Variants in LGI2 observed in about 807,000 individuals in gnomAD.
LGI2 encodes the protein leucine rich repeat LGI family member 2, also known as leucine-rich repeat LGI family member 2.
In LGI2, 30 loss-of-function variants were observed where a neutral mutation model predicts 52.0. The observed-to-expected ratio is 0.58, with a 90% CI of 0.43 to 0.78. The LOEUF is 0.78. Ranked by LOEUF, LGI2 falls within the 30% of genes least tolerant of loss-of-function variation. LGI2 has a pLI of 0.00. For synonymous variants in LGI2, 270 were observed against 271.8 expected (o/e 0.99, Z 0.06); for missense variants, 573 against 692.5 (o/e 0.83, Z 1.94).
intron 7 of LGI2, among the ~76,000 whole-genome samples, chr4:25,011,306 T>C (rs1387336488): frequency 6.6e-6 from 1 of 152,134 alleles, no homozygotes; most frequent in Non-Finnish European, 1.5e-5. Flanking sequence ...CCTGTGCTAC[T>C]CTGTGCTGAG....
intron 4 of LGI2, among the ~76,000 whole-genome samples, chr4:25,023,130 T>A (rs990928545): frequency 3.3e-5 from 5 of 151,856 alleles, no homozygotes; most frequent in African/African-American, 1.2e-4. Context: ...CCATGGGTAA[T>A]GGACTAGATG....
At chr4:25,024,764 G>A (rs1726086649) in intron 4 of LGI2, 56 bp downstream of exon 4, 1 of 1,218,882 alleles carries the variant, frequency 8.2e-7, no homozygotes, top group Admixed American at 2.3e-5. Flanking sequence ...GAGGCTCCAG[G>A]AAACCAATCT....
chr4:25,023,944 T>G (rs531865570), intron 4 of LGI2, among the ~76,000 whole-genome samples: 3 of 152,188 alleles, frequency 2.0e-5, no homozygotes, highest in Non-Finnish European at 4.4e-5. Flanking sequence ...TAATTTTATC[T>G]CCAGAAAGCT....
At chr4:24,993,523 A>G in the LGI2 span, among the ~76,000 whole-genome samples, 22 of 152,332 alleles carry the variant, frequency 1.4e-4, no homozygotes, top group Admixed American at 1.4e-3. Context: ...CATGCTGGGA[A>G]AACAGTGGTG....
At chr4:25,019,751 G>T (rs1725895401) in intron 4 of LGI2, among the ~76,000 whole-genome samples, 1 of 152,136 alleles carries the variant, frequency 6.6e-6, no homozygotes, top group Admixed American at 6.6e-5. Flanking sequence ...TGCCTCCTTT[G>T]GGTCTGTCCT....
At chr4:24,998,200 C>A (rs1001688167), downstream of LGI2, among the ~76,000 whole-genome samples, 1 of 152,112 alleles carries the variant, frequency 6.6e-6, no homozygotes, top group Non-Finnish European at 1.5e-5. Context: ...TTATCTAAAC[C>A]TTGTATTGTT....
At position 25,001,715 on chromosome 4, in the gene LGI2, GC is replaced by G. The variant is rs1286183356; in HGVS notation, c.*1735del. On this transcript the variant is annotated 3_prime_UTR_variant, in exon 8 of 8. Transcript: ENST00000382114. ...AAATCCGTGGTTTCTGAGGCTAGAA[GC>G]CTCAGCCTACAGTCCCAGAATGTAC... 1 of 42,982 alleles carries G rather than the reference GC, an allele frequency of 2.3e-5. No individual in the cohort carries two copies. Among genetic ancestry groups the G allele is most frequent in the East Asian group, 3.7e-3 (1 of 270 alleles). 2.7% of individuals were successfully genotyped at this position (42,982 alleles called of 1,614,324 possible). A position where few individuals can be genotyped will look rare whatever the true frequency, so the allele number is the denominator to read the frequency against.
intron 4 of LGI2, among the ~76,000 whole-genome samples, chr4:25,024,461 C>T (rs1726076403): frequency 6.6e-6 from 1 of 152,150 alleles, no homozygotes; most frequent in Non-Finnish European, 1.5e-5. Context: ...CTGCAGTGAG[C>T]CGAGATCATG....
intron 2 of LGI2, among the ~76,000 whole-genome samples, chr4:25,027,686 A>G (rs1215119304): frequency 6.6e-6 from 1 of 152,264 alleles, no homozygotes; most frequent in African/African-American, 2.4e-5. Context: ...AAATTTTTCT[A>G]TAGCACATTG....
rs1473772228 is a variant in LGI2, at chr4:25,003,487, C to T, written c.1602G>A (p.Lys534=). 14 of 1,599,998 alleles carry T rather than the reference C, an allele frequency of 8.8e-6. No individual in the cohort carries two copies. Among genetic ancestry groups the T allele is most frequent in the Non-Finnish European group, 1.2e-5 (14 of 1,176,568 alleles). Residue 534 remains lysine, a synonymous_variant, in exon 8 of 8, where the codon AAG becomes AAA. Coordinates refer to ENST00000382114, the MANE Select transcript of LGI2 (RefSeq NM_018176.4). ...FFASSFKGKT[K]IFEHIIVDLS... is the part of the protein sequence containing the mutation. Reference sequence around the variant, plus strand: ...AGTCAACAATTATATGTTCAAAAATCTTTGTTTTCCCTTTGAAACTGGATG... The same window carrying T: ...AGTCAACAATTATATGTTCAAAAATTTTTGTTTTCCCTTTGAAACTGGATG...
intron 4 of LGI2, among the ~76,000 whole-genome samples, chr4:25,020,404 G>T (rs967238153): frequency 6.6e-5 from 10 of 152,222 alleles, no homozygotes; most frequent in African/African-American, 2.4e-4. Context: ...TGTCCACGGT[G>T]CAGGGCTGTT....
intron 7 of LGI2, among the ~76,000 whole-genome samples, chr4:25,009,916 G>A (rs1268289093): frequency 1.3e-5 from 2 of 152,184 alleles, no homozygotes; most frequent in African/African-American, 4.8e-5. Context: ...TAACAGGCAT[G>A]AGTCAACACG....
intron 4 of LGI2, among the ~76,000 whole-genome samples, chr4:25,020,395 G>A (rs185121730): frequency 6.6e-6 from 1 of 152,196 alleles, no homozygotes; most frequent in Non-Finnish European, 1.5e-5. Flanking sequence ...GAAGATGAAT[G>A]TCCACGGTGC....
chr4:24,992,418 A>G, the LGI2 span, among the ~76,000 whole-genome samples: 2 of 152,032 alleles, frequency 1.3e-5, no homozygotes, highest in Admixed American at 1.3e-4. Context: ...GTCAGCAGAA[A>G]AGGCTGGGCT....
chr4:24,999,494 C>T lies in LGI2; in HGVS notation c.*3957G>A, dbSNP rs529406517. 63 of 197,542 alleles carry T rather than the reference C, an allele frequency of 3.2e-4. No homozygotes were observed. In the Middle Eastern group the frequency reaches 0.015, roughly 46 times the overall value. 12.2% of individuals were successfully genotyped at this position (197,542 alleles called of 1,614,324 possible). On this transcript the variant is annotated 3_prime_UTR_variant, in exon 8 of 8. Coordinates refer to ENST00000382114, the MANE Select transcript of LGI2 (RefSeq NM_018176.4). ...TTGCATACAACTAGATTATTGTATT[C>T]CACTCCAGGAAGCTGTTGAACAGAA...
intron 4 of LGI2, among the ~76,000 whole-genome samples, chr4:25,020,373 T>C (rs1169006051): frequency 6.6e-6 from 1 of 152,200 alleles, no homozygotes; most frequent in Non-Finnish European, 1.5e-5. Context: ...CAGTGCCCTG[T>C]CATCATCCTG....
chr4:24,993,036 C>A, the LGI2 span, among the ~76,000 whole-genome samples: 1 of 152,196 alleles, frequency 6.6e-6, no homozygotes, highest in African/African-American at 2.4e-5. Context: ...TGACTCCAGA[C>A]AAGTTCCTTA....
chr4:25,008,163 C>T (rs1156425888), intron 7 of LGI2, among the ~76,000 whole-genome samples: 3 of 152,128 alleles, frequency 2.0e-5, no homozygotes, highest in Non-Finnish European at 4.4e-5. Flanking sequence ...GCATTCCCTA[C>T]GTTCATGCAA....
At chr4:25,017,541 C>CAAAAAAAAAAA (rs66740392) in intron 6 of LGI2, among the ~76,000 whole-genome samples, 10 of 53,244 alleles carry the variant, frequency 1.9e-4, no homozygotes, top group African/African-American at 7.2e-4. Flanking sequence ...GACTCTGCCT[C>CAAAAAAAAAAA]AAAAAAAAAA....
Sources: gnomAD v4.1 joint callset for allele counts (sites outside exome capture counted in the v4.1 genomes callset) on GRCh38, gnomAD v4.1.1 for gene constraint, MANE v1.5 for transcripts, NCBI Gene and HGNC (gene_info 2026-07-23, HGNC 2026-07-21) for gene names.